ODAD2: variants seen among roughly 807,000 people sequenced by gnomAD.
ODAD2 encodes outer dynein arm docking complex subunit 2, also known as outer dynein arm-docking complex subunit 2.
A neutral mutation model predicts 106.8 loss-of-function variants in ODAD2; 89 were observed. The ratio of observed to expected loss-of-function variants is 0.83; its 90% CI spans 0.70 to 0.99. The LOEUF (loss-of-function observed/expected upper bound fraction) is 0.99, where lower values mean the gene tolerates loss of function less well. ODAD2 is among the 50% of genes least tolerant of loss of function. The probability of loss-of-function intolerance (pLI) is 0.00; values close to 1 mark genes in which losing one functional copy is unlikely to be tolerated. For synonymous variants in ODAD2, 404 were observed against 436.2 expected (o/e 0.93, Z 0.92); for missense variants, 1,168 against 1,238.5 (o/e 0.94, Z 0.85).
chr10:27,839,737 T>G (rs1174296897), intron 19 of ODAD2, among the ~76,000 whole-genome samples: 1 of 152,188 alleles, frequency 6.6e-6, no homozygotes, highest in Non-Finnish European at 1.5e-5. Context: ...TTGCCAAGTT[T>G]AAAATCCCCA....
intron 16 of ODAD2, among the ~76,000 whole-genome samples, chr10:27,909,101 T>A (rs552833354): frequency 6.6e-6 from 1 of 152,318 alleles, no homozygotes; most frequent in East Asian, 1.9e-4. Flanking sequence ...TCATACTGCC[T>A]TCCATATGCT....
Position 27,940,577 on chromosome 10 carries a change from C to A in ODAD2, c.1972G>T (p.Glu658Ter), listed in dbSNP as rs587777199. 8.7e-6 allele frequency: 14 copies of A among 1,613,986 alleles called. No individual in the cohort carries two copies. In the South Asian group the frequency reaches 1.5e-4, roughly 18 times the overall value. The change falls in exon 13 of 20, where the codon GAG becomes TAG. Residue 658 changes from glutamate to a stop codon, truncating the protein, a stop_gained. Transcript: ENST00000305242. LOFTEE classifies it high-confidence loss of function. ...MLIPVVGTLQ[E>*]CASEENYRAA... is the part of the protein sequence containing the mutation. ...GGCATGAGTACCTCTGATGCACACT[C>A]TTGCAATGTCCCCACCACTGGAATT...
chr10:27,890,771 TA>T (rs10569745), intron 17 of ODAD2, among the ~76,000 whole-genome samples: 69,896 of 148,496 alleles, frequency 0.47, 17,957 homozygotes, highest in Middle Eastern at 0.63. Context: ...TATATATATT[TA>T]AAAAAAAAAA....
intron 19 of ODAD2, among the ~76,000 whole-genome samples, chr10:27,842,344 T>A (rs1222372133): frequency 6.6e-6 from 1 of 152,170 alleles, no homozygotes; most frequent in Non-Finnish European, 1.5e-5. Context: ...TATCTTTATT[T>A]CATTTCTTTG....
chr10:27,892,997 A>C (rs1169737819), intron 17 of ODAD2, among the ~76,000 whole-genome samples: 2 of 152,128 alleles, frequency 1.3e-5, no homozygotes, highest in Non-Finnish European at 2.9e-5. Context: ...AAAAGTACAA[A>C]AATTAGCCAG....
rs188739967 is a variant in ODAD2 at position 27,995,957 on chromosome 10, T to C, written c.-38-777A>G. On this transcript the variant is annotated intron_variant, in intron 1 of 19. Transcript: ENST00000305242. Reference sequence around the variant, plus strand: ...ACTCTTTCAGCCTTTTTATCTAAATTAGTTATCAGAAGAGTCTAGCAGTAA... The same window carrying C: ...ACTCTTTCAGCCTTTTTATCTAAATCAGTTATCAGAAGAGTCTAGCAGTAA... 1.7e-3 allele frequency among the ~76,000 whole-genome samples: 260 copies of C among 152,316 alleles called. 2 individuals carry two copies. The highest frequency in any genetic ancestry group is 2.3e-3 in the Non-Finnish European group (154 of 68,020).
At chr10:27,901,232 G>T (rs1451297644) in intron 17 of ODAD2, among the ~76,000 whole-genome samples, 1 of 152,114 alleles carries the variant, frequency 6.6e-6, no homozygotes, top group Non-Finnish European at 1.5e-5. Context: ...AAGCGAAGGA[G>T]AAATAAAATC....
At chr10:27,956,796 A>G (rs188562736) in intron 10 of ODAD2, among the ~76,000 whole-genome samples, 13 of 152,332 alleles carry the variant, frequency 8.5e-5, no homozygotes, top group African/African-American at 3.1e-4. Flanking sequence ...TTTCATTATA[A>G]TGTGTATAAA....
chr10:27,875,250 C>A (rs4747606), intron 17 of ODAD2, among the ~76,000 whole-genome samples: 92,825 of 151,948 alleles, frequency 0.61, 28,588 homozygotes, highest in Middle Eastern at 0.72. Context: ...CTAGTTAGCC[C>A]TTCATCTAAT....
chr10:27,839,670 T>A (rs182916590), intron 19 of ODAD2, among the ~76,000 whole-genome samples: 6 of 152,246 alleles, frequency 3.9e-5, no homozygotes, highest in Admixed American at 3.9e-4. Context: ...AACGCTGTGG[T>A]TTAAACATAA....
chr10:27,982,495 T>C (rs1297279383), intron 6 of ODAD2, among the ~76,000 whole-genome samples: 2 of 152,200 alleles, frequency 1.3e-5, no homozygotes, highest in Non-Finnish European at 2.9e-5. Context: ...ATTAGAGATT[T>C]CGTTTTTCTA....
At chr10:27,990,987 C>A (rs1850200358) in intron 2 of ODAD2, among the ~76,000 whole-genome samples, 1 of 152,144 alleles carries the variant, frequency 6.6e-6, no homozygotes, top group South Asian at 2.1e-4. Flanking sequence ...ATAACATTTT[C>A]ACCATGTGAT....
intron 17 of ODAD2, among the ~76,000 whole-genome samples, chr10:27,905,738 A>C (rs1398039753): frequency 6.6e-6 from 1 of 152,192 alleles, no homozygotes; most frequent in Non-Finnish European, 1.5e-5. Context: ...CTGATCTTTG[A>C]CAAACCTGAC....
At chr10:27,851,287 G>C (rs1302115973) in intron 19 of ODAD2, among the ~76,000 whole-genome samples, 1 of 152,014 alleles carries the variant, frequency 6.6e-6, no homozygotes, top group East Asian at 1.9e-4. Flanking sequence ...ATAAAAGTAA[G>C]AACTGAAAGG....
At chr10:27,890,314 C>A (rs967038631) in intron 17 of ODAD2, among the ~76,000 whole-genome samples, 1 of 152,102 alleles carries the variant, frequency 6.6e-6, no homozygotes, top group Non-Finnish European at 1.5e-5. Flanking sequence ...CGACAGCATG[C>A]ATTGTTTGAT....
intron 3 of ODAD2, among the ~76,000 whole-genome samples, chr10:27,986,012 G>A (rs1849854763): frequency 6.6e-6 from 1 of 152,110 alleles, no homozygotes; most frequent in Admixed American, 6.5e-5. Flanking sequence ...TGGGGGTGGA[G>A]AGGAAGGCCT....
chr10:27,829,571 T>C (rs1253991077), intron 19 of ODAD2, among the ~76,000 whole-genome samples: 1 of 152,204 alleles, frequency 6.6e-6, no homozygotes, highest in African/African-American at 2.4e-5. Context: ...AACTTATTTC[T>C]AACAGGACTT....
chr10:27,929,102 TATTA>T (rs1470556752), intron 16 of ODAD2, among the ~76,000 whole-genome samples: 1 of 152,190 alleles, frequency 6.6e-6, no homozygotes, highest in East Asian at 1.9e-4. Flanking sequence ...AGGTGACATA[TATTA>T]ATCATGTAGA....
At chr10:27,925,115 T>C (rs1017158164) in intron 16 of ODAD2, among the ~76,000 whole-genome samples, 17 of 152,020 alleles carry the variant, frequency 1.1e-4, no homozygotes, top group Admixed American at 1.0e-3. Context: ...TCATGAATAT[T>C]ATTACAAAAA....
Sources: gnomAD v4.1 joint callset for allele counts (sites outside exome capture counted in the v4.1 genomes callset) on GRCh38, gnomAD v4.1.1 for gene constraint, MANE v1.5 for transcripts, NCBI Gene and HGNC (gene_info 2026-07-23, HGNC 2026-07-21) for gene names.